SETBP1: variants seen among roughly 807,000 people sequenced by gnomAD.
The protein encoded by SETBP1 is SET binding protein 1.
A neutral mutation model predicts 101.0 loss-of-function variants in SETBP1; 9 were observed. The observed-to-expected ratio is 0.09, with a 90% CI of 0.05 to 0.16. SETBP1 has a LOEUF of 0.16. Among genes scored for constraint, SETBP1 ranks in the 10% least tolerant of loss-of-function variants. The pLI, the probability that SETBP1 is intolerant of heterozygous loss-of-function variation, is 1.00. For synonymous variants in SETBP1, 818 were observed against 788.5 expected (o/e 1.04, Z -0.63); for missense variants, 1,858 against 2,033.8 (o/e 0.91, Z 1.66).
At chr18:44,989,645 G>A (rs551001897) in intron 4 of SETBP1, among the ~76,000 whole-genome samples, 16 of 151,348 alleles carry the variant, frequency 1.1e-4, no homozygotes, top group East Asian at 3.9e-4. Flanking sequence ...CGAGGCGGGC[G>A]GATCACGAGG....
chr18:44,700,612 C>A (rs2069099293), intron 1 of SETBP1, among the ~76,000 whole-genome samples: 1 of 152,098 alleles, frequency 6.6e-6, no homozygotes, highest in Non-Finnish European at 1.5e-5. Context: ...GAGGTCTTTG[C>A]ATAATTGAAA....
chr18:45,007,530 A>G (rs1568024441), intron 4 of SETBP1, among the ~76,000 whole-genome samples: 1 of 151,534 alleles, frequency 6.6e-6, no homozygotes, highest in South Asian at 2.1e-4. Context: ...CTTGCCTACC[A>G]TCTTCCATGA....
intron 4 of SETBP1, among the ~76,000 whole-genome samples, chr18:45,007,214 C>A (rs1255750622): frequency 6.6e-6 from 1 of 152,188 alleles, no homozygotes; most frequent in Non-Finnish European, 1.5e-5. Flanking sequence ...CCAATTCCAG[C>A]CACTCCTAGT....
intron 3 of SETBP1, among the ~76,000 whole-genome samples, chr18:44,930,330 C>T (rs978679747): frequency 4.6e-5 from 7 of 152,092 alleles, no homozygotes; most frequent in South Asian, 2.1e-4. Flanking sequence ...CTGCTGGATT[C>T]GGTTTGCCAG....
chr18:44,738,696 C>T (rs2043403480), intron 2 of SETBP1, among the ~76,000 whole-genome samples: 1 of 151,578 alleles, frequency 6.6e-6, no homozygotes, highest in Non-Finnish European at 1.5e-5. Context: ...ATCACTTGAA[C>T]CCAGGAGGCG....
chr18:44,910,336 G>C (rs944382555), intron 3 of SETBP1, among the ~76,000 whole-genome samples: 1 of 152,162 alleles, frequency 6.6e-6, no homozygotes, highest in African/African-American at 2.4e-5. Context: ...GGGATGACCA[G>C]GTAAAGAAAG....
chr18:45,056,212 C>T (rs932303566), intron 5 of SETBP1, among the ~76,000 whole-genome samples: 1 of 152,164 alleles, frequency 6.6e-6, no homozygotes, highest in Non-Finnish European at 1.5e-5. Flanking sequence ...TTGTATGGGT[C>T]TTCTTCATCT....
intron 3 of SETBP1, among the ~76,000 whole-genome samples, chr18:44,892,957 A>G (rs2069806981): frequency 6.6e-6 from 1 of 152,142 alleles, no homozygotes; most frequent in Non-Finnish European, 1.5e-5. Context: ...CATGACTTTA[A>G]TAACAGTATA....
At chr18:44,726,628 G>A (rs1280281012) in intron 2 of SETBP1, among the ~76,000 whole-genome samples, 2 of 152,154 alleles carry the variant, frequency 1.3e-5, no homozygotes, top group Non-Finnish European at 2.9e-5. Flanking sequence ...CAGATTAGAA[G>A]TCATAAACTG....
At chr18:44,820,249 C>T (rs1267410359) in intron 2 of SETBP1, among the ~76,000 whole-genome samples, 2 of 152,250 alleles carry the variant, frequency 1.3e-5, no homozygotes, top group African/African-American at 4.8e-5. Flanking sequence ...GCCTAGTCAA[C>T]TCCCTGTTTT....
intron 2 of SETBP1, among the ~76,000 whole-genome samples, chr18:44,846,473 G>T (rs748265908): frequency 2.0e-5 from 3 of 152,108 alleles, no homozygotes; most frequent in Non-Finnish European, 2.9e-5. Flanking sequence ...CTATGGATTT[G>T]CCTGTTCTGG....
chr18:44,762,303 A>G (rs1458934833), intron 2 of SETBP1, among the ~76,000 whole-genome samples: 1 of 152,186 alleles, frequency 6.6e-6, no homozygotes, highest in Non-Finnish European at 1.5e-5. Flanking sequence ...TGTTCTTGGT[A>G]TTACCCTAGG....
intron 3 of SETBP1, among the ~76,000 whole-genome samples, chr18:44,886,532 A>G (rs2069652125): frequency 6.6e-6 from 1 of 152,050 alleles, no homozygotes; most frequent in African/African-American, 2.4e-5. Context: ...TTATATTTAT[A>G]TGTCAAGGTG....
chr18:44,926,945 C>A (rs1231392774), intron 3 of SETBP1, among the ~76,000 whole-genome samples: 1 of 152,020 alleles, frequency 6.6e-6, no homozygotes, highest in African/African-American at 2.4e-5. Context: ...TTGCCGGGTG[C>A]CCAGAGGCTT....
In SETBP1 at chr18:44,952,999, A is replaced by G. The variant is rs753396839; in HGVS notation, c.3659A>G (p.Lys1220Arg). 2 of 1,614,186 alleles carry G rather than the reference A, an allele frequency of 1.2e-6. No individual in the cohort carries two copies. The highest frequency in any genetic ancestry group is 2.2e-5 in the South Asian group (2 of 91,080). ...QKHQHSEAGH[K>R]ASKNNFEVDT... is the part of the protein sequence containing the mutation. ...CACCAGCACAGCGAAGCCGGCCACA[A>G]AGCTTCTAAGAACAACTTTGAGGTG... The change falls in exon 4 of 6, where the codon AAA becomes AGA. Residue 1220 changes from lysine to arginine, a missense_variant. Lys to Arg is a conservative substitution (Grantham distance 26). This residue lies in a region of SETBP1 where 417 missense variants were observed against 389.1 expected (regional missense o/e 1.07). Coordinates refer to ENST00000649279, the MANE Select transcript of SETBP1 (RefSeq NM_015559.3).
chr18:44,788,862 A>C (rs1244555823), intron 2 of SETBP1, among the ~76,000 whole-genome samples: 1 of 125,738 alleles, frequency 8.0e-6, no homozygotes, highest in African/African-American at 3.2e-5. Context: ...AACTGGCGTG[A>C]TCATTGCTTA....
At chr18:44,947,492 C>CTTT (rs58509226) in intron 3 of SETBP1, among the ~76,000 whole-genome samples, 72 of 114,196 alleles carry the variant, frequency 6.3e-4, no homozygotes, top group East Asian at 1.7e-3. Context: ...GTTTGTCCCA[C>CTTT]TTTTTTTTTT....
chr18:44,979,730 C>T (rs1347241184), intron 4 of SETBP1, among the ~76,000 whole-genome samples: 2 of 152,214 alleles, frequency 1.3e-5, no homozygotes, highest in Non-Finnish European at 2.9e-5. Context: ...TGGAGGCTCT[C>T]AGAGAAACGA....
At chr18:45,002,897 C>T (rs2072646414) in intron 4 of SETBP1, among the ~76,000 whole-genome samples, 1 of 152,176 alleles carries the variant, frequency 6.6e-6, no homozygotes, top group Admixed American at 6.5e-5. Context: ...TTCTTAACTA[C>T]TCACCACCTC....
Sources: gnomAD v4.1 joint callset for allele counts (sites outside exome capture counted in the v4.1 genomes callset) on GRCh38, gnomAD v4.1.1 for gene constraint, gnomAD v4.1.1 regional missense constraint, MANE v1.5 for transcripts, NCBI Gene and HGNC (gene_info 2026-07-23, HGNC 2026-07-21) for gene names.